LRP1B: variants seen among roughly 807,000 people sequenced by gnomAD.
LRP1B encodes the protein low-density lipoprotein receptor-related protein 1B.
Under a neutral mutation model 556.6 loss-of-function variants are expected in LRP1B, and 217 were observed. The observed-to-expected ratio is 0.39, with a 90% CI of 0.35 to 0.44. LRP1B has a LOEUF of 0.44. Ranked by LOEUF, LRP1B falls within the 20% of genes least tolerant of loss-of-function variation. LRP1B has a pLI of 1.00. For missense variants in LRP1B, 5,053 were observed against 5,620.8 expected, an observed-to-expected ratio of 0.90 and a Z score of 3.23; for synonymous variants, 2,047 against 1,865.8, an observed-to-expected ratio of 1.10 and a Z score of -2.50.
At chr2:140,490,924 C>T (rs186326124) in intron 57 of LRP1B, among the ~76,000 whole-genome samples, 85 of 152,024 alleles carry the variant, frequency 5.6e-4, no homozygotes, top group African/African-American at 1.3e-3. Context: ...AGAAAGTATC[C>T]GAAACTCATC....
At chr2:141,864,306 C>T (rs1191369927) in intron 1 of LRP1B, among the ~76,000 whole-genome samples, 2 of 152,138 alleles carry the variant, frequency 1.3e-5, no homozygotes, top group Non-Finnish European at 2.9e-5. Flanking sequence ...ATGGAAACTA[C>T]TTTTAATTTC....
Position 140,370,822 on chromosome 2 carries a change from A to G in LRP1B, c.10896T>C (p.Cys3632=), listed in dbSNP as rs1005077476. The change falls in exon 71 of 91, where the codon TGT becomes TGC. Residue 3632 remains cysteine (C), a synonymous_variant. Coordinates refer to ENST00000389484, the MANE Select transcript of LRP1B (RefSeq NM_018557.3). ...GSDEMDCVTE[C]KEDQFRCKNK... ...TTTTGCACCGAAACTGATCTTCCTT[A>G]CATTCAGTCACACAGTCCATCTGTT... 7.4e-6 allele frequency: 12 copies of G among 1,612,454 alleles called. No individual in the cohort carries two copies. The highest frequency in any genetic ancestry group is 1.0e-5 in the Non-Finnish European group (12 of 1,178,994).
intron 1 of LRP1B, among the ~76,000 whole-genome samples, chr2:141,872,682 C>T (rs530563671): frequency 2.2e-4 from 34 of 151,498 alleles, no homozygotes; most frequent in African/African-American, 7.7e-4. Context: ...CCCAATAAAA[C>T]AATTATATTG....
At chr2:141,878,492 G>T (rs1436257999) in intron 1 of LRP1B, among the ~76,000 whole-genome samples, 1 of 151,752 alleles carries the variant, frequency 6.6e-6, no homozygotes, top group Non-Finnish European at 1.5e-5. Flanking sequence ...TAATCAAAGA[G>T]TTGATAGGCA....
intron 1 of LRP1B, among the ~76,000 whole-genome samples, chr2:141,942,794 G>A (rs1403178672): frequency 1.3e-5 from 2 of 152,180 alleles, no homozygotes; most frequent in Non-Finnish European, 2.9e-5. Context: ...ACTAGGAGCT[G>A]TAAGCAGACG....
At chr2:141,210,582 C>A (rs1682499539) in intron 6 of LRP1B, among the ~76,000 whole-genome samples, 1 of 151,978 alleles carries the variant, frequency 6.6e-6, no homozygotes, top group African/African-American at 2.4e-5. Flanking sequence ...ATAAAATGAA[C>A]CTGATAAATT....
rs965235605 is a variant in LRP1B at position 141,940,167 on chromosome 2, T to G, written c.83-129766A>C. ...GAGAAGATACTTACAAAAATCTACATGAACAAAAGAAATGACAGAGGATGG... is the reference window on the plus strand; with the variant it reads ...GAGAAGATACTTACAAAAATCTACAGGAACAAAAGAAATGACAGAGGATGG... On this transcript the variant is annotated intron_variant, in intron 1 of 90. Coordinates refer to ENST00000389484, the MANE Select transcript of LRP1B (RefSeq NM_018557.3). 3.3e-5 allele frequency among the ~76,000 whole-genome samples: 5 copies of G among 152,034 alleles called. No individual in the cohort carries two copies. In the East Asian group the frequency reaches 5.8e-4, roughly 18 times the overall value.
chr2:141,651,396 G>C (rs753910691), intron 2 of LRP1B, among the ~76,000 whole-genome samples: 3 of 152,170 alleles, frequency 2.0e-5, no homozygotes, highest in African/African-American at 7.2e-5. Context: ...AGGCACGGTG[G>C]TTTACGCCTG....
chr2:141,669,687 T>G (rs1690586964), intron 2 of LRP1B, among the ~76,000 whole-genome samples: 1 of 151,266 alleles, frequency 6.6e-6, no homozygotes, highest in Non-Finnish European at 1.5e-5. Flanking sequence ...AGTTTGCTAC[T>G]TCTGCATTAT....
intron 3 of LRP1B, among the ~76,000 whole-genome samples, chr2:141,417,621 C>T (rs1324076639): frequency 5.3e-5 from 8 of 152,142 alleles, no homozygotes; most frequent in Admixed American, 2.0e-4. Context: ...TGTTCACCAT[C>T]GAGGGACATT....
At chr2:141,845,343 A>C (rs1541976) in intron 1 of LRP1B, among the ~76,000 whole-genome samples, 90,669 of 151,548 alleles carry the variant, frequency 0.6, 27,327 homozygotes, top group Middle Eastern at 0.69. Flanking sequence ...CTTGGAGGTA[A>C]AAATGGAAGA....
At chr2:141,081,771 C>G (rs1358466849) in intron 7 of LRP1B, among the ~76,000 whole-genome samples, 2 of 152,098 alleles carry the variant, frequency 1.3e-5, no homozygotes, top group East Asian at 3.9e-4. Flanking sequence ...TGGAACTGAG[C>G]TGTCTCTAGT....
At chr2:142,033,189 T>C (rs972947455) in intron 1 of LRP1B, among the ~76,000 whole-genome samples, 1 of 151,856 alleles carries the variant, frequency 6.6e-6, no homozygotes, top group African/African-American at 2.4e-5. Context: ...TAATTAGGAA[T>C]TGAATTTTTA....
chr2:140,285,105 A>C (rs983708573), intron 84 of LRP1B, among the ~76,000 whole-genome samples: 44 of 149,768 alleles, frequency 2.9e-4, no homozygotes, highest in Non-Finnish European at 4.2e-4. Context: ...CTCTCTCTAT[A>C]TATATATGTG....
intron 7 of LRP1B, among the ~76,000 whole-genome samples, chr2:141,129,989 G>T (rs1021113491): frequency 1.9e-4 from 29 of 151,896 alleles, no homozygotes; most frequent in African/African-American, 7.0e-4. Context: ...TATTTTAAAG[G>T]AATAGTGACA....
chr2:142,083,122 C>A (rs183127023), intron 1 of LRP1B, among the ~76,000 whole-genome samples: 1 of 152,120 alleles, frequency 6.6e-6, no homozygotes, highest in African/African-American at 2.4e-5. Flanking sequence ...TAGGCCCATG[C>A]GGCATAATGG....
intron 1 of LRP1B, among the ~76,000 whole-genome samples, chr2:142,082,890 T>C (rs1201965925): frequency 6.6e-6 from 1 of 152,186 alleles, no homozygotes; most frequent in African/African-American, 2.4e-5. Flanking sequence ...ATGGGCTTTT[T>C]TTTGTGGCCA....
At chr2:141,453,943 G>A (rs1485388068) in intron 3 of LRP1B, among the ~76,000 whole-genome samples, 6 of 151,404 alleles carry the variant, frequency 4.0e-5, no homozygotes, top group Non-Finnish European at 8.8e-5. Flanking sequence ...AAAAGTTCTA[G>A]TGTTTATTTA....
chr2:140,577,617 C>T (rs1681582525), intron 43 of LRP1B, among the ~76,000 whole-genome samples: 1 of 151,802 alleles, frequency 6.6e-6, no homozygotes, highest in Non-Finnish European at 1.5e-5. Context: ...AACAGAGTCT[C>T]ACTATTTTAC....
Sources: gnomAD v4.1 joint callset for allele counts (sites outside exome capture counted in the v4.1 genomes callset) on GRCh38, gnomAD v4.1.1 for gene constraint, MANE v1.5 for transcripts, NCBI Gene and HGNC (gene_info 2026-07-23, HGNC 2026-07-21) for gene names.